The following COL25A1 variants were observed in gnomAD, a reference collection of about 807,000 sequenced individuals.
COL25A1 encodes the protein collagen type XXV alpha 1 chain.
Under a neutral mutation model 128.4 loss-of-function variants are expected in COL25A1, and 103 were observed. That is an observed-to-expected ratio of 0.80 (90% confidence interval 0.68 to 0.94). The LOEUF (loss-of-function observed/expected upper bound fraction) is 0.94. COL25A1 is among the 40% of genes least tolerant of loss of function. COL25A1 has a pLI of 0.00. For synonymous variants in COL25A1, 279 were observed against 277.2 expected (o/e 1.01, Z -0.06); for missense variants, 745 against 840.0 (o/e 0.89, Z 1.40).
At chr4:108,983,053 T>C (rs1420745129) in intron 6 of COL25A1, among the ~76,000 whole-genome samples, 1 of 152,218 alleles carries the variant, frequency 6.6e-6, no homozygotes, top group Non-Finnish European at 1.5e-5. Context: ...TGGTTTTCTT[T>C]TCTAACACAA....
intron 13 of COL25A1, among the ~76,000 whole-genome samples, chr4:108,905,953 A>G (rs73840736): frequency 0.02 from 3,025 of 152,136 alleles, 98 homozygotes; most frequent in African/African-American, 0.067. Flanking sequence ...TGTGTGTAAC[A>G]TGGCACAGCC....
At chr4:109,279,126 G>A (rs987664726) in intron 3 of COL25A1, among the ~76,000 whole-genome samples, 1 of 151,892 alleles carries the variant, frequency 6.6e-6, no homozygotes, top group Non-Finnish European at 1.5e-5. Context: ...GGGGATGGGG[G>A]AAGACACAGA....
intron 19 of COL25A1, among the ~76,000 whole-genome samples, chr4:108,877,657 T>A: frequency 6.7e-6 from 1 of 149,174 alleles, no homozygotes; most frequent in Admixed American, 6.6e-5. Context: ...AACAAAAAAC[T>A]AACAAATAAA....
At chr4:108,938,844 G>A (rs1267518065) in intron 10 of COL25A1, among the ~76,000 whole-genome samples, 2 of 151,254 alleles carry the variant, frequency 1.3e-5, no homozygotes, top group East Asian at 1.9e-4. Context: ...GTGACAGAGC[G>A]AGACTCCGTC....
chr4:109,235,402 C>A (rs1779406587), intron 3 of COL25A1, among the ~76,000 whole-genome samples: 1 of 152,064 alleles, frequency 6.6e-6, no homozygotes, highest in Non-Finnish European at 1.5e-5. Flanking sequence ...ATGTGCCTAT[C>A]CAGGGAAGAT....
At chr4:109,230,911 T>C (rs1258068210) in intron 3 of COL25A1, among the ~76,000 whole-genome samples, 1 of 152,030 alleles carries the variant, frequency 6.6e-6, no homozygotes, top group Non-Finnish European at 1.5e-5. Flanking sequence ...GAGGCTGAGG[T>C]GGGCGAATCA....
At chr4:108,838,497 CA>C (rs1472789404) in intron 31 of COL25A1, among the ~76,000 whole-genome samples, 1 of 151,658 alleles carries the variant, frequency 6.6e-6, no homozygotes, top group African/African-American at 2.4e-5. Flanking sequence ...TCAAATAATT[CA>C]AAGACAATCG....
chr4:108,847,812 G>T (rs1735292214), intron 27 of COL25A1, among the ~76,000 whole-genome samples: 1 of 152,052 alleles, frequency 6.6e-6, no homozygotes, highest in Non-Finnish European at 1.5e-5. Flanking sequence ...ATATAACTCT[G>T]ATAGTAAAAA....
At chr4:109,237,488 T>C (rs1275724094) in intron 3 of COL25A1, among the ~76,000 whole-genome samples, 1 of 151,870 alleles carries the variant, frequency 6.6e-6, no homozygotes, top group Non-Finnish European at 1.5e-5. Flanking sequence ...ACCAGGGCAG[T>C]AAAGAGAGAA....
chr4:109,107,202 G>T (rs936053469), intron 3 of COL25A1, among the ~76,000 whole-genome samples: 1 of 152,062 alleles, frequency 6.6e-6, no homozygotes, highest in Non-Finnish European at 1.5e-5. Flanking sequence ...AGAAAACTAG[G>T]TAGTTACTGA....
At chr4:109,124,385 C>G (rs973979708) in intron 3 of COL25A1, among the ~76,000 whole-genome samples, 5 of 152,048 alleles carry the variant, frequency 3.3e-5, no homozygotes, top group Non-Finnish European at 1.5e-5. Context: ...TAATCACCTT[C>G]TAAAATAAAA....
At chr4:109,056,378 T>G (rs1286214468) in intron 3 of COL25A1, among the ~76,000 whole-genome samples, 1 of 152,152 alleles carries the variant, frequency 6.6e-6, no homozygotes, top group Non-Finnish European at 1.5e-5. Context: ...TTATGAATAT[T>G]TACAATATAC....
intron 21 of COL25A1, 102 bp downstream of exon 21, chr4:108,863,217 T>G: frequency 9.6e-7 from 1 of 1,038,650 alleles, no homozygotes; most frequent in Non-Finnish European, 1.5e-6. Flanking sequence ...TATTTGTGAT[T>G]TGGGCTGTTT....
At chr4:108,964,176 T>G (rs144729924) in intron 8 of COL25A1, among the ~76,000 whole-genome samples, 1,550 of 151,272 alleles carry the variant, frequency 0.01, 25 homozygotes, top group African/African-American at 0.035. Context: ...TATTTACATA[T>G]GAAGGTCACT....
At chr4:109,069,613 A>G (rs1762745461) in intron 3 of COL25A1, among the ~76,000 whole-genome samples, 1 of 152,210 alleles carries the variant, frequency 6.6e-6, no homozygotes, top group Non-Finnish European at 1.5e-5. Flanking sequence ...CTGAAGTCAA[A>G]AGCTGAATGG....
chr4:109,022,204 T>C (rs1757839023), intron 5 of COL25A1: 2 of 453,398 alleles, frequency 4.4e-6, no homozygotes, highest in Non-Finnish European at 4.4e-6. Flanking sequence ...GGCCCAGCTG[T>C]AAAATTCCTC....
intron 19 of COL25A1, among the ~76,000 whole-genome samples, chr4:108,870,181 G>A (rs566017946): frequency 8.5e-5 from 13 of 152,158 alleles, no homozygotes; most frequent in Admixed American, 5.2e-4. Flanking sequence ...GTTTGAGCCC[G>A]GGAGGTTGAG....
intron 5 of COL25A1, among the ~76,000 whole-genome samples, chr4:109,017,188 G>A (rs1757305135): frequency 6.6e-6 from 1 of 152,182 alleles, no homozygotes; most frequent in Non-Finnish European, 1.5e-5. Context: ...CACAGAGCCG[G>A]CATCTGTGAC....
intron 3 of COL25A1, among the ~76,000 whole-genome samples, chr4:109,067,328 T>A (rs947627202): frequency 2.0e-5 from 3 of 152,182 alleles, no homozygotes; most frequent in African/African-American, 7.2e-5. Flanking sequence ...CAAATACCCA[T>A]ACTTTTTGAA....
Sources: gnomAD v4.1 joint callset for allele counts (sites outside exome capture counted in the v4.1 genomes callset) on GRCh38, gnomAD v4.1.1 for gene constraint, MANE v1.5 for transcripts, NCBI Gene and HGNC (gene_info 2026-07-23, HGNC 2026-07-21) for gene names.